Variants in FOXP1 observed in about 807,000 individuals in gnomAD.
FOXP1 encodes forkhead box P1.
Under a neutral mutation model 98.2 loss-of-function variants are expected in FOXP1, and 15 were observed. That is an observed-to-expected ratio of 0.15 (90% CI 0.10 to 0.24). The LOEUF is 0.24. FOXP1 is among the 10% of genes least tolerant of loss of function. FOXP1 has a pLI of 1.00. For synonymous variants in FOXP1, 371 were observed against 314.5 expected (o/e 1.18, Z -1.90); for missense variants, 633 against 848.5 (o/e 0.75, Z 3.15).
At chr3:71,237,231 G>GAAAAAAAAAAAAAAAA (rs757405755) in intron 5 of FOXP1, among the ~76,000 whole-genome samples, 3 of 28,286 alleles carry the variant, frequency 1.1e-4, no homozygotes, top group Admixed American at 6.9e-4. Flanking sequence ...GACTCCATCT[G>GAAAAAAAAAAAAAAAA]AAAAAAAAAA....
At chr3:71,472,721 A>G (rs2089474460) in intron 3 of FOXP1, among the ~76,000 whole-genome samples, 1 of 152,232 alleles carries the variant, frequency 6.6e-6, no homozygotes, top group Admixed American at 6.5e-5. Context: ...CTAGTCCATA[A>G]GAGAAGTAGA....
At chr3:71,546,488 G>T (rs2045371957) in intron 2 of FOXP1, among the ~76,000 whole-genome samples, 1 of 151,928 alleles carries the variant, frequency 6.6e-6, no homozygotes, top group Admixed American at 6.6e-5. Context: ...TTCGATGATG[G>T]AACAGTGGAG....
At position 71,220,263 on chromosome 3, in the gene FOXP1, C is replaced by G. The variant is rs573736481; in HGVS notation, c.-11-21871G>C. Among the ~76,000 whole-genome samples, 202 of 152,226 alleles carry G rather than the reference C, an allele frequency of 1.3e-3. 1 individual carries two copies. The highest frequency in any genetic ancestry group is 4.7e-3 in the African/African-American group (194 of 41,534). ...AATGAATGAATGAAATATTATACAG[C>G]TAGAATGAAAGACCTGGTAACTGAT... is the stretch of plus-strand genomic sequence containing the variant. On this transcript the variant is annotated intron_variant, in intron 5 of 20. Coordinates refer to ENST00000649528, the MANE Select transcript of FOXP1 (RefSeq NM_001349338.3).
At chr3:71,076,062 A>G (rs909116965) in intron 7 of FOXP1, among the ~76,000 whole-genome samples, 1 of 152,150 alleles carries the variant, frequency 6.6e-6, no homozygotes, top group Non-Finnish European at 1.5e-5. Context: ...CCAAGTGTCA[A>G]GAACAATGAA....
At chr3:71,521,292 G>A (rs1322234271) in intron 2 of FOXP1, among the ~76,000 whole-genome samples, 1 of 152,214 alleles carries the variant, frequency 6.6e-6, no homozygotes, top group African/African-American at 2.4e-5. Flanking sequence ...AGTACTTTGG[G>A]AGGCCGAGTG....
At position 71,451,239 on chromosome 3, in the gene FOXP1, G is replaced by A. The variant is rs147062206; in HGVS notation, c.-168+42187C>T. Among the ~76,000 whole-genome samples, 10 of 152,236 alleles carry A rather than the reference G, an allele frequency of 6.6e-5. No homozygotes were observed. In the South Asian group the frequency reaches 1.0e-3, roughly 16 times the overall value. ...GCCTGAAATCATTCACTTACTGGCC[G>A]GCCAGAAAGACTGTGAGCACTTCTT... On this transcript the variant is annotated intron_variant, in intron 3 of 20. Coordinates refer to ENST00000649528, the MANE Select transcript of FOXP1 (RefSeq NM_001349338.3).
At chr3:71,295,373 T>C (rs1451177962) in intron 5 of FOXP1, among the ~76,000 whole-genome samples, 2 of 152,194 alleles carry the variant, frequency 1.3e-5, no homozygotes, top group South Asian at 2.1e-4. Flanking sequence ...CTGAATAGCA[T>C]TTTAGCTTTA....
At chr3:71,067,989 TA>T (rs3058699) in intron 7 of FOXP1, among the ~76,000 whole-genome samples, 9,071 of 134,606 alleles carry the variant, frequency 0.067, 729 homozygotes, top group African/African-American at 0.19. Flanking sequence ...TGGATAATTA[TA>T]AAAAAAAAAA....
At position 71,413,287 on chromosome 3, in the gene FOXP1, CACA is replaced by C. The variant is rs1296979328; in HGVS notation, c.-167-54046_-167-54044del. On this transcript the variant is annotated intron_variant, in intron 3 of 20. Transcript: ENST00000649528. ...ACACACACACACACACACACACACA[CACA>C]CCCAAAACAGCCAACCAGTATGGAA... 5.7e-5 allele frequency among the ~76,000 whole-genome samples: 8 copies of C among 140,178 alleles called. 1 individual carries two copies. The highest frequency in any genetic ancestry group is 1.1e-4 in the Non-Finnish European group (7 of 66,356). The allele number at this position is 140,178 out of a possible 152,430, so 92.0% of individuals were successfully genotyped here. A position where few individuals can be genotyped will look rare whatever the true frequency, so the allele number is the denominator to read the frequency against.
In FOXP1 at chr3:71,123,566, C is replaced by T. The variant is rs535432271; in HGVS notation, c.181-10929G>A. Reference sequence around the variant, plus strand: ...AAAGCAGAGCTAAGAGAGTACAGGTCTTTTCCTTTTTAACCCAAATTTCAC... The same window carrying T: ...AAAGCAGAGCTAAGAGAGTACAGGTTTTTTCCTTTTTAACCCAAATTTCAC... On this transcript the variant is annotated intron_variant, in intron 6 of 20. Coordinates refer to ENST00000649528, the MANE Select transcript of FOXP1 (RefSeq NM_001349338.3). Among the ~76,000 whole-genome samples, 408 of 152,248 alleles carry T rather than the reference C, an allele frequency of 2.7e-3. 2 individuals are homozygous for T. Among genetic ancestry groups the T allele is most frequent in the African/African-American group, 9.2e-3 (384 of 41,546 alleles).
intron 3 of FOXP1, among the ~76,000 whole-genome samples, chr3:71,470,601 G>A (rs568420851): frequency 3.9e-5 from 6 of 152,166 alleles, no homozygotes; most frequent in African/African-American, 1.4e-4. Context: ...TTAGCCAGAC[G>A]TGGTGTGCGC....
At chr3:71,305,184 C>T (rs140567673) in intron 4 of FOXP1, among the ~76,000 whole-genome samples, 5 of 152,028 alleles carry the variant, frequency 3.3e-5, no homozygotes, top group South Asian at 2.1e-4. Context: ...AAAGACAGTA[C>T]GGGAACAAAA....
At chr3:71,343,373 G>A (rs955247780) in intron 4 of FOXP1, among the ~76,000 whole-genome samples, 3 of 151,952 alleles carry the variant, frequency 2.0e-5, no homozygotes, top group African/African-American at 4.8e-5. Flanking sequence ...TGCTACTGAC[G>A]ATGCCCTTTG....
At chr3:71,495,252 G>A (rs1369245896) in intron 2 of FOXP1, among the ~76,000 whole-genome samples, 1 of 152,146 alleles carries the variant, frequency 6.6e-6, no homozygotes, top group Non-Finnish European at 1.5e-5. Context: ...AGGGACAAAG[G>A]CCACTTCAAA....
At chr3:71,126,429 C>T (rs1420743825) in intron 6 of FOXP1, among the ~76,000 whole-genome samples, 2 of 152,042 alleles carry the variant, frequency 1.3e-5, no homozygotes, top group Non-Finnish European at 2.9e-5. Context: ...GCAGAGCTTG[C>T]AGTGAGCCGA....
At chr3:71,166,077 A>G (rs2108179123) in intron 6 of FOXP1, among the ~76,000 whole-genome samples, 1 of 152,380 alleles carries the variant, frequency 6.6e-6, no homozygotes, top group East Asian at 1.9e-4. Flanking sequence ...TATCTTGGGA[A>G]GTAACAATCA....
chr3:71,190,847 AAC>A (rs2062937229), intron 6 of FOXP1, among the ~76,000 whole-genome samples: 1 of 152,060 alleles, frequency 6.6e-6, no homozygotes, highest in South Asian at 2.1e-4. Flanking sequence ...AATCAAATCA[AAC>A]ACAGTATTTA....
chr3:71,579,266 G>A (rs1424197815), intron 2 of FOXP1, among the ~76,000 whole-genome samples: 3 of 151,828 alleles, frequency 2.0e-5, no homozygotes, highest in East Asian at 1.9e-4. Flanking sequence ...TATACTCCAC[G>A]ATTTAAATAT....
chr3:71,565,177 A>G (rs565193194), intron 2 of FOXP1, among the ~76,000 whole-genome samples: 1 of 152,256 alleles, frequency 6.6e-6, no homozygotes, highest in African/African-American at 2.4e-5. Flanking sequence ...GTCTTCTGTC[A>G]ATTTGTCCAT....
Sources: gnomAD v4.1 joint callset for allele counts (sites outside exome capture counted in the v4.1 genomes callset) on GRCh38, gnomAD v4.1.1 for gene constraint, MANE v1.5 for transcripts, NCBI Gene and HGNC (gene_info 2026-07-23, HGNC 2026-07-21) for gene names.